The following MLYCD variants were observed in gnomAD, a reference collection of about 807,000 sequenced individuals.
MLYCD encodes the protein malonyl-CoA decarboxylase.
A neutral mutation model predicts 35.8 loss-of-function variants in MLYCD; 27 were observed. The ratio of observed to expected loss-of-function variants is 0.75; its 90% CI spans 0.56 to 1.04. The LOEUF (loss-of-function observed/expected upper bound fraction) is 1.04. Ranked by LOEUF, MLYCD falls within the 50% of genes least tolerant of loss-of-function variation. The pLI, the probability that MLYCD is intolerant of heterozygous loss-of-function variation, is 0.00. For missense variants in MLYCD, 917 were observed against 665.1 expected, an observed-to-expected ratio of 1.38 and a Z score of -4.17; for synonymous variants, 403 against 302.4, an observed-to-expected ratio of 1.33 and a Z score of -3.45.
intron 4 of MLYCD, chr16:83,913,141 G>C (rs1031620275): frequency 6.5e-6 from 1 of 152,884 alleles, no homozygotes; most frequent in Non-Finnish European, 1.5e-5. Flanking sequence ...CTTTGAGGAC[G>C]ACAGTGTGGA....
In MLYCD at chr16:83,907,427, T is replaced by C. The variant is rs112110875; in HGVS notation, c.641+328T>C. On this transcript the variant is annotated intron_variant, in intron 2 of 4. Coordinates refer to ENST00000262430, the MANE Select transcript of MLYCD (RefSeq NM_012213.3). ...CGTGATCAGAGTTGTAGAAACTCAC[T>C]GGACCAAGCGTTTGCATTCGTAATC... 2.9e-3 allele frequency among the ~76,000 whole-genome samples: 440 copies of C among 152,342 alleles called. 6 individuals carry two copies. The highest frequency in any genetic ancestry group is 3.4e-3 in the Middle Eastern group (1 of 294).
intron 3 of MLYCD, 170 bp from the exon 4 acceptor site, chr16:83,912,048 C>G (rs1907197562): frequency 2.1e-6 from 2 of 938,876 alleles, no homozygotes; most frequent in African/African-American, 1.6e-5. Flanking sequence ...AGAGAGTTTT[C>G]AAAACAGAGC....
At chr16:83,901,336 A>T (rs757265610) in intron 1 of MLYCD, among the ~76,000 whole-genome samples, 2 of 152,202 alleles carry the variant, frequency 1.3e-5, no homozygotes. Context: ...AAACTGGGAA[A>T]CTTGTCTTTA....
At chr16:83,905,630 A>G (rs1339428705) in intron 1 of MLYCD, among the ~76,000 whole-genome samples, 1 of 152,214 alleles carries the variant, frequency 6.6e-6, no homozygotes, top group Non-Finnish European at 1.5e-5. Flanking sequence ...TGCAGTGGAA[A>G]GGACAAAGAA....
At chr16:83,900,042 G>C (rs549325467) in intron 1 of MLYCD, among the ~76,000 whole-genome samples, 1 of 152,300 alleles carries the variant, frequency 6.6e-6, no homozygotes, top group East Asian at 1.9e-4. Flanking sequence ...ACCTGAACTA[G>C]AGCATCAGGC....
intron 3 of MLYCD, among the ~76,000 whole-genome samples, chr16:83,911,361 C>A (rs1907174631): frequency 6.6e-6 from 1 of 152,236 alleles, no homozygotes. Flanking sequence ...AACGCTCCTA[C>A]TTCCAGAATC....
chr16:83,912,400 T>C, intron 4 of MLYCD, 33 bp downstream of exon 4: 1 of 1,613,688 alleles, frequency 6.2e-7, no homozygotes, highest in South Asian at 1.1e-5. Context: ...CGGTCACGCT[T>C]GGCTTCCGTG....
chr16:83,916,101 A>G lies in MLYCD; in HGVS notation c.*612A>G, dbSNP rs1907376255. ...TGTTGCTGCTTGAGGCATAAGTTGG[A>G]TAATAGGCTTTAAATGATCAGGGAT... On this transcript the variant is annotated 3_prime_UTR_variant, in exon 5 of 5. Coordinates refer to ENST00000262430, the MANE Select transcript of MLYCD (RefSeq NM_012213.3). 2.0e-6 allele frequency: 2 copies of G among 996,120 alleles called. No individual in the cohort carries two copies. Among genetic ancestry groups the G allele is most frequent in the South Asian group, 4.5e-5 (1 of 22,406 alleles). 61.7% of individuals were successfully genotyped at this position (996,120 alleles called of 1,614,324 possible). A position where few individuals can be genotyped will look rare whatever the true frequency, so the allele number is the denominator to read the frequency against.
chr16:83,909,479 T>C (rs1426352618), intron 3 of MLYCD, among the ~76,000 whole-genome samples: 1 of 152,192 alleles, frequency 6.6e-6, no homozygotes, highest in Non-Finnish European at 1.5e-5. Flanking sequence ...AGTTCAGGTT[T>C]ATAGAGTAGC....
rs887867437 is a variant in MLYCD, at chr16:83,919,643, C to T, written c.*4154C>T. The T allele has an allele frequency of 1.3e-5, 2 of 149,968 alleles. No homozygotes were observed. The highest frequency in any genetic ancestry group is 5.0e-5 in the African/African-American group (2 of 39,974). The allele number at this position is 149,968 out of a possible 1,614,324, so 9.3% of individuals were successfully genotyped here. ...ACGGGGCACAGGAGAACACACGATGCACGGAACACGGTGATCAGAACACGG... is the reference window on the plus strand; with the variant it reads ...ACGGGGCACAGGAGAACACACGATGTACGGAACACGGTGATCAGAACACGG... On this transcript the variant is annotated 3_prime_UTR_variant, in exon 5 of 5. Transcript: ENST00000262430.
intron 3 of MLYCD, 119 bp from the exon 4 acceptor site, chr16:83,912,099 G>A (rs1041487206): frequency 7.6e-5 from 108 of 1,428,830 alleles, no homozygotes; most frequent in African/African-American, 6.6e-4. Flanking sequence ...CTGGGGAGCC[G>A]AGGTCTCTTC....
rs890054232 is a variant in MLYCD, at chr16:83,919,955, C to G, written c.*4466C>G. 2 of 152,052 alleles carry G rather than the reference C, an allele frequency of 1.3e-5. No individual in the cohort carries two copies. The highest frequency in any genetic ancestry group is 2.4e-5 in the African/African-American group (1 of 41,104). The allele number at this position is 152,052 out of a possible 1,614,324, so 9.4% of individuals were successfully genotyped here. A position where few individuals can be genotyped will look rare whatever the true frequency, so the allele number is the denominator to read the frequency against. On this transcript the variant is annotated 3_prime_UTR_variant, in exon 5 of 5. Transcript: ENST00000262430. ...CATTCCATGCACAGGAGAACACACG[C>G]AATTCACAGGACACAACAGAACACA...
intron 4 of MLYCD, chr16:83,913,256 CCGGGTAACA>C (rs1489637493): frequency 6.6e-6 from 1 of 152,252 alleles, no homozygotes; most frequent in Non-Finnish European, 1.5e-5. Flanking sequence ...CATGTTTCCC[CCGGGTAACA>C]ATGAGCCGTA....
rs1294536971 is a variant in MLYCD at position 83,915,038 on chromosome 16, C to T, written c.1031C>T (p.Ser344Leu). 3.1e-6 allele frequency: 5 copies of T among 1,614,224 alleles called. No individual in the cohort carries two copies. The highest frequency in any genetic ancestry group is 2.2e-5 in the East Asian group (1 of 44,882). Residue 344 changes from serine to leucine, a missense_variant, in exon 5 of 5, where the codon TCG becomes TTG. Coordinates refer to ENST00000262430, the MANE Select transcript of MLYCD (RefSeq NM_012213.3). Reference protein sequence around the residue: ...FTKWLLGLLNSQTKEHGRNEL... With the variant: ...FTKWLLGLLNLQTKEHGRNEL... ...AAATGGCTTCTGGGGCTTCTGAACTCGCAAACGAAGGAGCATGGGAGGAAT... is the reference window on the plus strand; with the variant it reads ...AAATGGCTTCTGGGGCTTCTGAACTTGCAAACGAAGGAGCATGGGAGGAAT...
chr16:83,915,754 C>T lies in MLYCD; in HGVS notation c.*265C>T. 2.2e-6 allele frequency: 3 copies of T among 1,349,536 alleles called. No individual in the cohort carries two copies. The highest frequency in any genetic ancestry group is 3.0e-5 in the Admixed American group (1 of 33,016). 83.6% of individuals were successfully genotyped at this position (1,349,536 alleles called of 1,614,324 possible). A position where few individuals can be genotyped will look rare whatever the true frequency, so the allele number is the denominator to read the frequency against. On this transcript the variant is annotated 3_prime_UTR_variant, in exon 5 of 5. Transcript: ENST00000262430. ...GTCTCCGGAAGATTCTGTCGTTGCC[C>T]TTGGCCTGGCTCCCTGCCCGGGGCT...
Position 83,899,413 on chromosome 16 carries a change from G to A in MLYCD, c.269G>A (p.Arg90His). 1 of 1,515,200 alleles carries A rather than the reference G, an allele frequency of 6.6e-7. No homozygotes were observed. Among genetic ancestry groups the A allele is most frequent in the Admixed American group, 2.1e-5 (1 of 48,192 alleles). 93.9% of individuals were successfully genotyped at this position (1,515,200 alleles called of 1,614,324 possible). ...GCCCAGCGGGCCGAACTGCTGGGCC[G>A]CCTGGCGCGGGGCTTCGGCGTGGAC... ...ETAQRAELLG[R>H]LARGFGVDHG... The change falls in exon 1 of 5, where the codon CGC becomes CAC. Residue 90 changes from arginine (R) to histidine (H), a missense_variant. Transcript: ENST00000262430.
Position 83,923,801 on chromosome 16 carries a change from C to T in MLYCD, c.*8312C>T, listed in dbSNP as rs768437090. ...CCTCCTGACCGTACGTGGGGAGACCCACGCAAAGGCCCAGAGAGGAGAAGG... is the reference window on the plus strand; with the variant it reads ...CCTCCTGACCGTACGTGGGGAGACCTACGCAAAGGCCCAGAGAGGAGAAGG... On this transcript the variant is annotated 3_prime_UTR_variant, in exon 5 of 5. Transcript: ENST00000262430. The T allele has an allele frequency of 6.6e-6, 1 of 152,402 alleles. No homozygotes were observed. Among genetic ancestry groups the T allele is most frequent in the Non-Finnish European group, 1.5e-5 (1 of 68,176 alleles). 9.4% of individuals were successfully genotyped at this position (152,402 alleles called of 1,614,324 possible).
At position 83,924,877 on chromosome 16, in the gene MLYCD, G is replaced by A. The variant is rs139573340; in HGVS notation, c.*9388G>A. On this transcript the variant is annotated 3_prime_UTR_variant, in exon 5 of 5. Coordinates refer to ENST00000262430, the MANE Select transcript of MLYCD (RefSeq NM_012213.3). ...CACACTGCACTTCCCAAATGCTCCC[G>A]GCACTGGCACAGATGCACACCCTCT... 4.3e-3 allele frequency: 648 copies of A among 152,364 alleles called. No individual in the cohort carries two copies. The highest frequency in any genetic ancestry group is 6.5e-3 in the Non-Finnish European group (441 of 68,092). The allele number at this position is 152,364 out of a possible 1,614,324, so 9.4% of individuals were successfully genotyped here.
chr16:83,899,809 T>C (rs1458377906), intron 1 of MLYCD, 137 bp downstream of exon 1: 2 of 1,097,270 alleles, frequency 1.8e-6, no homozygotes, highest in Non-Finnish European at 2.5e-6. Flanking sequence ...AGTTACCGCC[T>C]GCCAACTGTG....
Sources: allele counts gnomAD v4.1 joint callset (sites outside exome capture counted in the v4.1 genomes callset), GRCh38; gene constraint gnomAD v4.1.1; transcripts MANE v1.5; gene names NCBI Gene and HGNC (gene_info 2026-07-23, HGNC 2026-07-21).